The following TENM4 variants were observed in gnomAD, a reference collection of about 807,000 sequenced individuals.
TENM4 encodes the protein teneurin transmembrane protein 4, also known as teneurin-4.
TENM4 carries 82 observed loss-of-function variants against 243.3 expected under a neutral mutation model. The ratio of observed to expected loss-of-function variants is 0.34; its 90% CI spans 0.28 to 0.40. The LOEUF is 0.40. TENM4 is among the 10% of genes least tolerant of loss of function. The pLI is 1.00. For missense variants in TENM4, 3,138 were observed against 3,673.3 expected (o/e 0.85, Z 3.77); for synonymous variants, 1,412 against 1,456.3 (o/e 0.97, Z 0.69).
intron 22 of TENM4, among the ~76,000 whole-genome samples, chr11:78,728,036 G>A (rs1184007879): frequency 6.6e-6 from 1 of 152,190 alleles, no homozygotes; most frequent in Non-Finnish European, 1.5e-5. Context: ...TTAGGAAAGT[G>A]ACTGCAGCCC....
At chr11:79,032,268 CG>C (rs1004868173) in intron 6 of TENM4, among the ~76,000 whole-genome samples, 3 of 152,078 alleles carry the variant, frequency 2.0e-5, no homozygotes, top group Non-Finnish European at 2.9e-5. Flanking sequence ...CACCCTGAGG[CG>C]GGGGGCACCA....
At chr11:78,781,244 G>A (rs1473899371) in intron 16 of TENM4, among the ~76,000 whole-genome samples, 2 of 152,212 alleles carry the variant, frequency 1.3e-5, no homozygotes, top group Admixed American at 6.5e-5. Context: ...GATGATGCAA[G>A]CTTTGCATTA....
chr11:78,910,018 A>G (rs1379768148), intron 6 of TENM4, among the ~76,000 whole-genome samples: 2 of 152,214 alleles, frequency 1.3e-5, no homozygotes, highest in African/African-American at 2.4e-5. Flanking sequence ...TCCCTCGTGG[A>G]AAGATTCCAG....
rs1858137642 is a variant in TENM4, at chr11:78,837,153, T to A, written c.1681+16951A>T. Among the ~76,000 whole-genome samples the A allele has an allele frequency of 2.0e-5, 3 of 152,212 alleles. No homozygotes were observed. In the South Asian group the frequency reaches 6.2e-4, roughly 32 times the overall value. On this transcript the variant is annotated intron_variant, in intron 12 of 33. Transcript: ENST00000278550. Reference sequence around the variant, plus strand: ...ATCTCATCTTGAATTGTAGCTTCCATAATTCCCATACGTTGTGGGAGGGAC... The same window carrying A: ...ATCTCATCTTGAATTGTAGCTTCCAAAATTCCCATACGTTGTGGGAGGGAC...
At chr11:79,053,101 T>A (rs1365535502) in intron 6 of TENM4, among the ~76,000 whole-genome samples, 1 of 152,180 alleles carries the variant, frequency 6.6e-6, no homozygotes, top group African/African-American at 2.4e-5. Context: ...AAGATAGTAA[T>A]TATATATACA....
intron 2 of TENM4, among the ~76,000 whole-genome samples, chr11:79,296,079 A>T (rs1856447901): frequency 6.6e-6 from 1 of 152,210 alleles, no homozygotes; most frequent in Non-Finnish European, 1.5e-5. Context: ...GAAAAGCCAG[A>T]TCACTGAGGT....
chr11:78,950,980 G>A (rs1379815429), intron 6 of TENM4, among the ~76,000 whole-genome samples: 1 of 152,210 alleles, frequency 6.6e-6, no homozygotes, highest in Non-Finnish European at 1.5e-5. Context: ...CTGTCCAAAG[G>A]TGTGATCAGG....
chr11:79,259,585 C>A (rs1245094018), intron 2 of TENM4, among the ~76,000 whole-genome samples: 1 of 151,056 alleles, frequency 6.6e-6, no homozygotes, highest in Non-Finnish European at 1.5e-5. Flanking sequence ...ATGCATCTAT[C>A]CACTCATCCA....
At chr11:79,277,696 C>G (rs374872887) in intron 2 of TENM4, among the ~76,000 whole-genome samples, 5 of 152,298 alleles carry the variant, frequency 3.3e-5, no homozygotes, top group African/African-American at 1.2e-4. Flanking sequence ...GTCAGGCAGA[C>G]TTGGAGTAAC....
At chr11:79,423,087 C>T (rs1858969889) in intron 1 of TENM4, among the ~76,000 whole-genome samples, 1 of 152,134 alleles carries the variant, frequency 6.6e-6, no homozygotes, top group African/African-American at 2.4e-5. Context: ...TAAACCCAAT[C>T]CCCCAAGGAG....
intron 2 of TENM4, among the ~76,000 whole-genome samples, chr11:79,282,493 T>G (rs1299338025): frequency 6.6e-6 from 1 of 152,234 alleles, no homozygotes; most frequent in African/African-American, 2.4e-5. Context: ...GAGAAACTGC[T>G]GGCTTCCAGG....
At chr11:78,735,973 T>TC (rs1465291077) in intron 20 of TENM4, among the ~76,000 whole-genome samples, 1 of 151,752 alleles carries the variant, frequency 6.6e-6, no homozygotes, top group Non-Finnish European at 1.5e-5. Context: ...AGACAGGGTT[T>TC]CACTCTGTCA....
At chr11:79,254,444 C>A (rs1464019023) in intron 2 of TENM4, among the ~76,000 whole-genome samples, 2 of 152,170 alleles carry the variant, frequency 1.3e-5, no homozygotes, top group African/African-American at 4.8e-5. Flanking sequence ...TATGAGCCTA[C>A]ACTTTCTTTT....
At chr11:79,409,611 G>A (rs1858655818) in intron 1 of TENM4, among the ~76,000 whole-genome samples, 1 of 152,086 alleles carries the variant, frequency 6.6e-6, no homozygotes, top group Non-Finnish European at 1.5e-5. Context: ...CTCTAGTCCA[G>A]GTCTCAGCTC....
chr11:79,349,357 T>A (rs1030193875), intron 1 of TENM4, among the ~76,000 whole-genome samples: 2 of 152,362 alleles, frequency 1.3e-5, no homozygotes, highest in Non-Finnish European at 2.9e-5. Flanking sequence ...TGGAAAATGC[T>A]GTGGGAGGAG....
chr11:79,308,183 G>A (rs1288820778), intron 1 of TENM4, among the ~76,000 whole-genome samples: 1 of 152,234 alleles, frequency 6.6e-6, no homozygotes, highest in African/African-American at 2.4e-5. Flanking sequence ...GCAGCCTAGA[G>A]ATCAAGGGCC....
intron 1 of TENM4, among the ~76,000 whole-genome samples, chr11:79,298,590 T>G (rs144995862): frequency 9.9e-5 from 15 of 151,544 alleles, no homozygotes; most frequent in African/African-American, 3.6e-4. Flanking sequence ...AGATACCCTT[T>G]TTAACTTGAA....
intron 6 of TENM4, among the ~76,000 whole-genome samples, chr11:78,979,765 C>A (rs1052512276): frequency 3.9e-5 from 6 of 152,224 alleles, no homozygotes; most frequent in Middle Eastern, 3.4e-3. Flanking sequence ...TGTTCACATC[C>A]TATAAAGGCT....
chr11:79,283,035 G>A (rs1346340950), intron 2 of TENM4, among the ~76,000 whole-genome samples: 1 of 152,118 alleles, frequency 6.6e-6, no homozygotes, highest in African/African-American at 2.4e-5. Flanking sequence ...ACTATTAGCT[G>A]TAGTAAGCCT....
Sources: allele counts gnomAD v4.1 joint callset (sites outside exome capture counted in the v4.1 genomes callset), GRCh38; gene constraint gnomAD v4.1.1; transcripts MANE v1.5; gene names NCBI Gene and HGNC (gene_info 2026-07-23, HGNC 2026-07-21).